The following PRKDC variants were observed in gnomAD, a reference collection of about 807,000 sequenced individuals.
PRKDC encodes protein kinase, DNA-activated, catalytic subunit.
In PRKDC, 82 loss-of-function variants were observed where a neutral mutation model predicts 486.9. The ratio of observed to expected loss-of-function variants is 0.17; its 90% CI spans 0.14 to 0.20. The LOEUF is 0.20. Ranked by LOEUF, PRKDC falls within the 10% of genes least tolerant of loss-of-function variation. The probability of loss-of-function intolerance (pLI) is 1.00; values close to 1 mark genes in which losing one functional copy is unlikely to be tolerated. For missense variants in PRKDC, 4,504 were observed against 5,038.2 expected, an observed-to-expected ratio of 0.89 and a Z score of 3.21; for synonymous variants, 1,895 against 1,837.0, an observed-to-expected ratio of 1.03 and a Z score of -0.81.
At chr8:47,775,420 G>A (rs1224581245) in intron 85 of PRKDC, among the ~76,000 whole-genome samples, 3 of 132,540 alleles carry the variant, frequency 2.3e-5, no homozygotes, top group African/African-American at 8.8e-5. Flanking sequence ...CACCCAGGCC[G>A]GAGTGCAATG....
At position 47,774,209 on chromosome 8, in the gene PRKDC, A is replaced by G. The variant is rs917994805; in HGVS notation, c.12351T>C (p.Leu4117=). The change falls in exon 86 of 86, where the codon CTT becomes CTC. Residue 4117 remains leucine, a synonymous_variant. Coordinates refer to ENST00000314191, the MANE Select transcript of PRKDC (RefSeq NM_006904.7). ...LMDQATDPNI[L]GRTWEGWEPW... ...GCTCCCATCCTTCCCAGGTTCTGCC[A>G]AGGATGTTGGGGTCTGTTGCCTGGT... The G allele has an allele frequency of 3.1e-6, 5 of 1,593,090 alleles. No individual in the cohort carries two copies. The highest frequency in any genetic ancestry group is 2.3e-5 in the South Asian group (2 of 87,632).
At chr8:47,953,594 G>A in intron 7 of PRKDC, 26 bp downstream of exon 7, 1 of 1,583,910 alleles carries the variant, frequency 6.3e-7, no homozygotes, top group Non-Finnish European at 8.6e-7. Flanking sequence ...TTTGAATAAA[G>A]AAAATCAAGT....
At chr8:47,774,463 T>G in intron 85 of PRKDC, 86 bp from the exon 86 acceptor site, 5 of 1,226,400 alleles carry the variant, frequency 4.1e-6, no homozygotes, top group Non-Finnish European at 5.7e-6. Flanking sequence ...TCCAAACACA[T>G]TCCCCACGTC....
intron 44 of PRKDC, among the ~76,000 whole-genome samples, chr8:47,861,850 A>G (rs1408033088): frequency 5.3e-5 from 8 of 152,192 alleles, no homozygotes; most frequent in African/African-American, 2.4e-5. Flanking sequence ...TTTCCTACAC[A>G]TGTCAAGAGA....
At chr8:47,875,034 C>CA (rs1189832839) in intron 40 of PRKDC, among the ~76,000 whole-genome samples, 7 of 152,128 alleles carry the variant, frequency 4.6e-5, no homozygotes, top group Non-Finnish European at 7.3e-5. Context: ...GCCTGGATAA[C>CA]AGAGTGTGAC....
chr8:47,808,226 C>T (rs915714364), intron 68 of PRKDC, among the ~76,000 whole-genome samples: 1 of 152,110 alleles, frequency 6.6e-6, no homozygotes, highest in African/African-American at 2.4e-5. Context: ...ACTGCAGCCT[C>T]GACCTCCTAA....
chr8:47,950,469 C>CAA (rs1317443319), intron 7 of PRKDC, among the ~76,000 whole-genome samples: 1 of 150,052 alleles, frequency 6.7e-6, no homozygotes, highest in Admixed American at 6.6e-5. Context: ...GCTAAAAATA[C>CAA]AAAAACAAAA....
chr8:47,918,505 A>T, intron 21 of PRKDC, 122 bp from the exon 22 acceptor site: 1 of 634,346 alleles, frequency 1.6e-6, no homozygotes, highest in Non-Finnish European at 2.4e-6. Context: ...GATTTAAAAA[A>T]ATTAAGTTTC....
In PRKDC at chr8:47,849,453, A is replaced by G; in HGVS notation, c.7056T>C (p.His2352=). ...TAAACTTGTCCTCCATAGTATTCTG[A>G]TGTTGCTTCAATTGTTTCGCAACCA... ...CELVAKQLKQ[H]QNTMEDKFIV... Residue 2352 remains histidine (H), a synonymous_variant, in exon 53 of 86, where the codon CAT becomes CAC. Coordinates refer to ENST00000314191, the MANE Select transcript of PRKDC (RefSeq NM_006904.7). 1 of 1,614,028 alleles carries G rather than the reference A, an allele frequency of 6.2e-7. No individual in the cohort carries two copies. The highest frequency in any genetic ancestry group is 8.5e-7 in the Non-Finnish European group (1 of 1,179,896).
intron 31 of PRKDC, among the ~76,000 whole-genome samples, chr8:47,892,000 C>G (rs909246388): frequency 5.1e-4 from 78 of 152,088 alleles, no homozygotes; most frequent in Non-Finnish European, 1.3e-4. Flanking sequence ...TCCCGAGTAG[C>G]TGGGATTAAC....
In PRKDC at chr8:47,930,773, C is replaced by T. The variant is rs8178032; in HGVS notation, c.1791G>A (p.Ala597=). The change falls in exon 17 of 86, where the codon GCG becomes GCA. Residue 597 remains alanine (A), a synonymous_variant. Coordinates refer to ENST00000314191, the MANE Select transcript of PRKDC (RefSeq NM_006904.7). ...TVGEQENGDE[A]PGVWMIPTSD... ...AAGTTGGGATCATCCAAACACCAGG[C>T]GCCTCATCTCCATTCTTAAAGAGTA... The T allele has an allele frequency of 1.8e-5, 29 of 1,578,532 alleles. No individual in the cohort carries two copies. The highest frequency in any genetic ancestry group is 2.1e-5 in the Non-Finnish European group (25 of 1,163,070).
Position 47,794,457 on chromosome 8 carries a change from G to C in PRKDC, c.10503C>G (p.His3501Gln). ...PCWQFISWIS[H>Q]MVALLDKDQA... ...GGTCTTTGTCCAGTAAGGCCACCAT[G>C]TGGCTGATCCAGCTGATGAACTGCC... The change falls in exon 74 of 86, where the codon CAC becomes CAG. Residue 3501 changes from histidine to glutamine, a missense_variant. Transcript: ENST00000314191. 6.2e-7 allele frequency: 1 copy of C among 1,613,746 alleles called. No individual in the cohort carries two copies. Among genetic ancestry groups the C allele is most frequent in the South Asian group, 1.1e-5 (1 of 91,066 alleles).
At chr8:47,956,746 A>G (rs1463067576) in intron 3 of PRKDC, among the ~76,000 whole-genome samples, 1 of 151,770 alleles carries the variant, frequency 6.6e-6, no homozygotes, top group Admixed American at 6.6e-5. Flanking sequence ...AAAATACAAA[A>G]TAAAAATTAT....
intron 5 of PRKDC, 108 bp downstream of exon 5, chr8:47,954,230 T>C: frequency 1.9e-6 from 1 of 516,138 alleles, no homozygotes; most frequent in African/African-American, 2.0e-5. Flanking sequence ...GCAAAAAGTA[T>C]TCGACTGTAA....
intron 21 of PRKDC, among the ~76,000 whole-genome samples, chr8:47,919,678 A>C (rs2090042559): frequency 6.9e-6 from 1 of 145,260 alleles, no homozygotes; most frequent in African/African-American, 2.6e-5. Context: ...AAAGAGTTCT[A>C]CTCTCTGATG....
rs2090474374 is a variant in PRKDC, at chr8:47,943,191, C to T, written c.966+18G>A. 6.2e-7 allele frequency: 1 copy of T among 1,604,828 alleles called. No homozygotes were observed. The highest frequency in any genetic ancestry group is 1.7e-5 in the Admixed American group (1 of 57,790). On this transcript the variant is annotated intron_variant, in intron 10 of 85. Transcript: ENST00000314191. ...GTGTGAAAGAAATATTGTTAAATGACAGTTGAATTTGTGGTACCTGTTTCA... is the reference window on the plus strand; with the variant it reads ...GTGTGAAAGAAATATTGTTAAATGATAGTTGAATTTGTGGTACCTGTTTCA...
At chr8:47,901,654 T>C (rs1020815389) in intron 27 of PRKDC, among the ~76,000 whole-genome samples, 1 of 152,226 alleles carries the variant, frequency 6.6e-6, no homozygotes, top group African/African-American at 2.4e-5. Flanking sequence ...CATTTGCCTA[T>C]GTGGCTAATT....
At chr8:47,818,436 A>G (rs2154498874) in intron 67 of PRKDC, among the ~76,000 whole-genome samples, 1 of 152,050 alleles carries the variant, frequency 6.6e-6, no homozygotes, top group African/African-American at 2.4e-5. Context: ...AAAATTAGCC[A>G]GGCATGGTGG....
chr8:47,777,906 T>C (rs1589688504), intron 83 of PRKDC, 32 bp from the exon 84 acceptor site: 1 of 1,597,468 alleles, frequency 6.3e-7, no homozygotes, highest in African/African-American at 1.3e-5. Context: ...GAGCAGAATA[T>C]GTAAGCCAGA....
Sources: allele counts gnomAD v4.1 joint callset (sites outside exome capture counted in the v4.1 genomes callset), GRCh38; gene constraint gnomAD v4.1.1; transcripts MANE v1.5; gene names NCBI Gene and HGNC (gene_info 2026-07-23, HGNC 2026-07-21).